Variants in NOC4L observed in about 807,000 individuals in gnomAD.
The protein encoded by NOC4L is nucleolar complex associated 4 homolog.
In NOC4L, 40 loss-of-function variants were observed where a neutral mutation model predicts 62.8. The observed-to-expected ratio is 0.64, with a 90% CI of 0.49 to 0.83. NOC4L has a LOEUF of 0.83. Among genes scored for constraint, NOC4L ranks in the 40% least tolerant of loss-of-function variants. The probability of loss-of-function intolerance (pLI) is 0.00; values close to 1 mark genes in which losing one functional copy is unlikely to be tolerated. For synonymous variants in NOC4L, 433 were observed against 299.8 expected (o/e 1.44, Z -4.59); for missense variants, 927 against 701.9 (o/e 1.32, Z -3.62).
At position 132,150,657 on chromosome 12, in the gene NOC4L, GC is replaced by G. The variant is rs1565961002; in HGVS notation, c.902-322del. 6.9e-3 allele frequency among the ~76,000 whole-genome samples: 46 copies of G among 6,692 alleles called. 16 individuals are homozygous for G. Among genetic ancestry groups the G allele is most frequent in the South Asian group, 0.016 (3 of 190 alleles). The allele number at this position is 6,692 out of a possible 152,430, so 4.4% of individuals were successfully genotyped here. A position where few individuals can be genotyped will look rare whatever the true frequency, so the allele number is the denominator to read the frequency against. The stretch of plus-strand genomic sequence containing the variant: ...CACACCCCTAATCCCCTCGGTGAGT[GC>G]CGCCGCCTCGCTCATACCACACCCC... On this transcript the variant is annotated intron_variant, in intron 9 of 14. Coordinates refer to ENST00000330579, the MANE Select transcript of NOC4L (RefSeq NM_024078.3).
At chr12:132,151,185 G>A (rs1897924503) in intron 10 of NOC4L, 73 bp from the exon 11 acceptor site, 1 of 1,457,714 alleles carries the variant, frequency 6.9e-7, no homozygotes. Context: ...GGGGCGCCGA[G>A]TGAGACCCTG....
Position 132,151,057 on chromosome 12 carries a change from G to A in NOC4L, c.962+16G>A, listed in dbSNP as rs1418708337. 4 of 1,606,090 alleles carry A rather than the reference G, an allele frequency of 2.5e-6. No homozygotes were observed. The African/African-American group carries it at 5.3e-5, about 21-fold the overall frequency. On this transcript the variant is annotated intron_variant, in intron 10 of 14. Transcript: ENST00000330579. Reference sequence around the variant, plus strand: ...AACACAACCTGTGAGTGTCACCAGGGGTGCAGGTCTTCTTCCCAGTCTGCC... The same window carrying A: ...AACACAACCTGTGAGTGTCACCAGGAGTGCAGGTCTTCTTCCCAGTCTGCC...
rs777658725 is a variant in NOC4L, at chr12:132,147,966, T to A, written c.690T>A (p.Tyr230Ter). 4 of 1,610,566 alleles carry A rather than the reference T, an allele frequency of 2.5e-6. No homozygotes were observed. The highest frequency in any genetic ancestry group is 3.4e-6 in the Non-Finnish European group (4 of 1,178,760). The part of the protein sequence containing the change: ...PRREPTVSSF[Y>*]VKRAELWDTW... ...GGGAGCCCACCGTCTCCAGCTTCTATGTGAAGCGGGCGGGTGAGTGTGCTG... is the reference window on the plus strand; with the variant it reads ...GGGAGCCCACCGTCTCCAGCTTCTAAGTGAAGCGGGCGGGTGAGTGTGCTG... The change falls in exon 6 of 15, where the codon TAT becomes TAA. Residue 230 changes from tyrosine (Y) to a stop codon, truncating the protein, a stop_gained. Coordinates refer to ENST00000330579, the MANE Select transcript of NOC4L (RefSeq NM_024078.3). LOFTEE classifies it high-confidence loss of function.
intron 3 of NOC4L, chr12:132,146,128 T>A (rs1318969376): frequency 2.4e-6 from 1 of 416,482 alleles, no homozygotes; most frequent in African/African-American, 2.0e-5. Flanking sequence ...CGAAAAGAAA[T>A]CCTGTACCAG....
At chr12:132,148,568 G>T (rs1218489783) in intron 7 of NOC4L, 41 bp from the exon 8 acceptor site, 4 of 1,548,502 alleles carry the variant, frequency 2.6e-6, no homozygotes, top group Non-Finnish European at 3.5e-6. Context: ...CTCTGGTCTG[G>T]GGTGGGGAGG....
At chr12:132,148,735 C>CCCCGGGGGGGGGGGGGGGGGGG in intron 8 of NOC4L, 49 bp from the exon 9 acceptor site, 28 of 1,309,186 alleles carry the variant, frequency 2.1e-5, no homozygotes, top group East Asian at 5.6e-5. Flanking sequence ...CCCGACCCGC[C>CCCCGGGGGGGGGGGGGGGGGGG]GGCCCCCGCC....
chr12:132,148,004 G>C (rs763038501), intron 6 of NOC4L, 25 bp downstream of exon 6: 2 of 1,612,456 alleles, frequency 1.2e-6, no homozygotes, highest in Non-Finnish European at 1.7e-6. Context: ...AGTCAGGGGC[G>C]GACAGGGCTG....
intron 11 of NOC4L, 39 bp downstream of exon 11, chr12:132,151,407 G>T: frequency 6.2e-7 from 1 of 1,603,424 alleles, no homozygotes. Context: ...TGCTCTGTGC[G>T]GCTGCAGCCT....
intron 2 of NOC4L, among the ~76,000 whole-genome samples, chr12:132,145,241 C>T (rs996781885): frequency 3.9e-5 from 6 of 152,204 alleles, no homozygotes; most frequent in African/African-American, 1.4e-4. Flanking sequence ...CTGATCCTGA[C>T]ACGGTCGCTT....
At chr12:132,147,550 G>C (rs1897769615) in intron 4 of NOC4L, 83 bp from the exon 5 acceptor site, 1 of 1,542,498 alleles carries the variant, frequency 6.5e-7, no homozygotes, top group Admixed American at 1.9e-5. Flanking sequence ...TGCCTGGGGG[G>C]CTCGATGGGG....
intron 2 of NOC4L, 86 bp downstream of exon 2, chr12:132,145,060 C>T (rs982738885): frequency 1.1e-5 from 16 of 1,481,536 alleles, no homozygotes; most frequent in Admixed American, 6.5e-5. Context: ...CGCCCCCAAC[C>T]CTGGCACAGG....
Position 132,145,795 on chromosome 12 carries a change from T to C in NOC4L, c.345+130T>C, listed in dbSNP as rs557272516. The C allele has an allele frequency of 1.1e-5, 7 of 627,910 alleles. No homozygotes were observed. The Admixed American group carries it at 1.7e-4, about 15-fold the overall frequency. The allele number at this position is 627,910 out of a possible 1,614,324, so 38.9% of individuals were successfully genotyped here. The stretch of plus-strand genomic sequence containing the variant: ...TGCTTCCTTCATGGGAGCATCACCC[T>C]GTGGGTGTTCAGTCCCATTCAGAAA... On this transcript the variant is annotated intron_variant, in intron 3 of 14. Transcript: ENST00000330579.
intron 3 of NOC4L, chr12:132,146,309 T>C (rs775952935): frequency 3.9e-5 from 18 of 455,984 alleles, no homozygotes; most frequent in South Asian, 2.2e-4. Context: ...AAGTTCGTTC[T>C]CTTTGTGGCT....
chr12:132,148,313 G>A lies in NOC4L; in HGVS notation c.738+207G>A, dbSNP rs140095158. Among the ~76,000 whole-genome samples, 1,308 of 152,314 alleles carry A rather than the reference G, an allele frequency of 8.6e-3. 11 individuals carry two copies. The highest frequency in any genetic ancestry group is 0.03 in the African/African-American group (1,259 of 41,554). On this transcript the variant is annotated intron_variant, in intron 7 of 14. Transcript: ENST00000330579. The stretch of plus-strand genomic sequence containing the variant: ...ACCCTCCCTTGGGTCAGAGGCCACC[G>A]CCGCCTCTTGGAGTCAAGCCTCTGG...
In NOC4L at chr12:132,148,913, G is replaced by GCTCACACC. The variant is rs1897842613; in HGVS notation, c.901+19_901+26dup. The GCTCACACC allele has an allele frequency of 2.7e-6, 1 of 375,788 alleles. No individual in the cohort carries two copies. Among genetic ancestry groups the GCTCACACC allele is most frequent in the African/African-American group, 2.7e-5 (1 of 37,362 alleles). 23.3% of individuals were successfully genotyped at this position (375,788 alleles called of 1,614,324 possible). On this transcript the variant is annotated intron_variant, in intron 9 of 14. Transcript: ENST00000330579. ...CGACCTCGGTGAGTGCCGCCGCCTC[G>GCTCACACC]CTCACACCACACCCCTAATCCCCTC... is the stretch of plus-strand genomic sequence containing the variant.
intron 2 of NOC4L, 146 bp from the exon 3 acceptor site, chr12:132,145,413 G>C: frequency 1.7e-6 from 1 of 597,866 alleles, no homozygotes; most frequent in Middle Eastern, 4.3e-4. Flanking sequence ...TCTCAGCACA[G>C]GTCTGGGGGC....
At chr12:132,145,992 A>G (rs1015213234) in intron 3 of NOC4L, among the ~76,000 whole-genome samples, 9 of 152,230 alleles carry the variant, frequency 5.9e-5, no homozygotes, top group African/African-American at 2.2e-4. Flanking sequence ...GGAATGCATT[A>G]TGAGCTTTCT....
At chr12:132,145,296 C>T (rs563419613) in intron 2 of NOC4L, among the ~76,000 whole-genome samples, 31 of 152,320 alleles carry the variant, frequency 2.0e-4, no homozygotes, top group Admixed American at 1.9e-3. Flanking sequence ...GACGTCAGGT[C>T]TTGGAGTAAA....
At chr12:132,145,140 G>A (rs1897660525) in intron 2 of NOC4L, among the ~76,000 whole-genome samples, 166 bp downstream of exon 2, 1 of 152,264 alleles carries the variant, frequency 6.6e-6, no homozygotes, top group South Asian at 2.1e-4. Context: ...GGGCAGGGGT[G>A]ACATGGGTGC....
Sources: allele counts gnomAD v4.1 joint callset (sites outside exome capture counted in the v4.1 genomes callset), GRCh38; gene constraint gnomAD v4.1.1; transcripts MANE v1.5; gene names NCBI Gene and HGNC (gene_info 2026-07-23, HGNC 2026-07-21).